The following CNTNAP2 variants were observed in gnomAD, a reference collection of about 807,000 sequenced individuals.
CNTNAP2 encodes contactin associated protein 2.
CNTNAP2 carries 98 observed loss-of-function variants against 155.2 expected under a neutral mutation model. That is an observed-to-expected ratio of 0.63 (90% CI 0.54 to 0.75). CNTNAP2 has a LOEUF of 0.75. Among genes scored for constraint, CNTNAP2 ranks in the 30% least tolerant of loss-of-function variants. The pLI is 0.00. For synonymous variants in CNTNAP2, 651 were observed against 631.2 expected, an observed-to-expected ratio of 1.03 and a Z score of -0.47; for missense variants, 1,727 against 1,688.1, an observed-to-expected ratio of 1.02 and a Z score of -0.40.
chr7:148,405,503 C>T (rs1457216312), intron 22 of CNTNAP2, among the ~76,000 whole-genome samples: 1 of 138,264 alleles, frequency 7.2e-6, no homozygotes, highest in African/African-American at 2.7e-5. Context: ...TCTCGGCTCG[C>T]TACAACCTCC....
intron 15 of CNTNAP2, among the ~76,000 whole-genome samples, chr7:148,095,112 A>T (rs189133169): frequency 6.6e-6 from 1 of 152,346 alleles, no homozygotes; most frequent in African/African-American, 2.4e-5. Flanking sequence ...CTACATGCCA[A>T]GCCTCTGAAC....
intron 1 of CNTNAP2, among the ~76,000 whole-genome samples, chr7:146,300,888 AT>A (rs1212947601): frequency 6.6e-6 from 1 of 152,164 alleles, no homozygotes; most frequent in Non-Finnish European, 1.5e-5. Flanking sequence ...AGAGAAAAAA[AT>A]ATTATAGGTA....
chr7:147,541,172 A>C (rs1241049424), intron 11 of CNTNAP2, among the ~76,000 whole-genome samples: 3 of 152,190 alleles, frequency 2.0e-5, no homozygotes, highest in African/African-American at 7.2e-5. Flanking sequence ...ATTGACACTA[A>C]ATTAGTGAGT....
intron 15 of CNTNAP2, among the ~76,000 whole-genome samples, chr7:148,049,691 A>G (rs1161580213): frequency 6.6e-6 from 1 of 152,234 alleles, no homozygotes; most frequent in African/African-American, 2.4e-5. Context: ...GTTTGTGATG[A>G]CACTGGTGTA....
intron 9 of CNTNAP2, among the ~76,000 whole-genome samples, chr7:147,370,599 C>A (rs985667342): frequency 6.6e-6 from 1 of 152,154 alleles, no homozygotes; most frequent in African/African-American, 2.4e-5. Context: ...GGTTGACCAG[C>A]ACACCACTGA....
At chr7:147,543,801 G>A (rs976780774) in intron 11 of CNTNAP2, among the ~76,000 whole-genome samples, 1 of 152,044 alleles carries the variant, frequency 6.6e-6, no homozygotes, top group Non-Finnish European at 1.5e-5. Flanking sequence ...GATTCCATAC[G>A]CTCCATTTGA....
intron 4 of CNTNAP2, among the ~76,000 whole-genome samples, chr7:147,051,822 T>G (rs895198967): frequency 6.6e-6 from 1 of 152,166 alleles, no homozygotes; most frequent in African/African-American, 2.4e-5. Context: ...TTTTAAATCT[T>G]AAGTGCAAAT....
intron 13 of CNTNAP2, among the ~76,000 whole-genome samples, chr7:147,890,432 G>A (rs1475380393): frequency 6.6e-6 from 1 of 152,152 alleles, no homozygotes; most frequent in Non-Finnish European, 1.5e-5. Flanking sequence ...AAACAGCATA[G>A]AAGTTCCTCA....
chr7:148,288,136 G>A (rs1018638576), intron 21 of CNTNAP2, among the ~76,000 whole-genome samples: 2 of 134,478 alleles, frequency 1.5e-5, no homozygotes, highest in African/African-American at 5.7e-5. Flanking sequence ...GTCTCACACT[G>A]TCGCCCGGGC....
intron 1 of CNTNAP2, among the ~76,000 whole-genome samples, chr7:146,497,677 C>A (rs927062770): frequency 1.1e-4 from 17 of 151,552 alleles, no homozygotes; most frequent in Non-Finnish European, 1.3e-4. Context: ...CAAATTGATT[C>A]TTATTGAATA....
At chr7:147,014,191 CA>C (rs1299613898) in intron 3 of CNTNAP2, among the ~76,000 whole-genome samples, 7 of 152,018 alleles carry the variant, frequency 4.6e-5, no homozygotes, top group Admixed American at 1.3e-4. Flanking sequence ...TTCTGTGTTC[CA>C]AAACAAATGT....
At chr7:148,354,178 A>ATTTTTTTT (rs57278575) in intron 21 of CNTNAP2, among the ~76,000 whole-genome samples, 2 of 99,298 alleles carry the variant, frequency 2.0e-5, no homozygotes, top group African/African-American at 3.9e-5. Context: ...GAAACGATTA[A>ATTTTTTTT]TTTTTTTTTT....
At chr7:147,168,078 C>A (rs1802153515) in intron 8 of CNTNAP2, among the ~76,000 whole-genome samples, 1 of 147,934 alleles carries the variant, frequency 6.8e-6, no homozygotes, top group Non-Finnish European at 1.5e-5. Context: ...TATATTTATA[C>A]ATATATATGA....
At chr7:147,661,865 A>AT (rs1795616802) in intron 13 of CNTNAP2, among the ~76,000 whole-genome samples, 1 of 152,092 alleles carries the variant, frequency 6.6e-6, no homozygotes, top group Non-Finnish European at 1.5e-5. Flanking sequence ...GCTTCTTGAT[A>AT]TAAGTACTAG....
chr7:147,305,363 A>G (rs1033578467), intron 9 of CNTNAP2, among the ~76,000 whole-genome samples: 8 of 152,182 alleles, frequency 5.3e-5, no homozygotes, highest in Admixed American at 2.0e-4. Flanking sequence ...ATAGGAAAAT[A>G]CCAACACTCC....
intron 8 of CNTNAP2, among the ~76,000 whole-genome samples, chr7:147,154,308 G>A (rs1053378945): frequency 1.3e-5 from 2 of 152,158 alleles, no homozygotes; most frequent in African/African-American, 4.8e-5. Context: ...AAAGAAATGA[G>A]TAGCAGGATG....
intron 4 of CNTNAP2, among the ~76,000 whole-genome samples, chr7:147,054,079 C>T (rs1007597543): frequency 6.6e-5 from 10 of 152,276 alleles, no homozygotes; most frequent in African/African-American, 2.4e-4. Context: ...TTTAATACCT[C>T]TCTCCTCTGG....
chr7:148,206,100 T>C (rs1356730463), intron 18 of CNTNAP2, among the ~76,000 whole-genome samples: 1 of 151,404 alleles, frequency 6.6e-6, no homozygotes, highest in Non-Finnish European at 1.5e-5. Flanking sequence ...CAAATATTCA[T>C]GTTCATATAT....
intron 1 of CNTNAP2, among the ~76,000 whole-genome samples, chr7:146,773,891 C>A (rs936395709): frequency 1.3e-5 from 2 of 152,308 alleles, no homozygotes; most frequent in South Asian, 2.1e-4. Context: ...TGTCTTTCCT[C>A]CTCCAACATT....
Sources: gnomAD v4.1 joint callset for allele counts (sites outside exome capture counted in the v4.1 genomes callset) on GRCh38, gnomAD v4.1.1 for gene constraint, MANE v1.5 for transcripts, NCBI Gene and HGNC (gene_info 2026-07-23, HGNC 2026-07-21) for gene names.